RABGAP1L: variants seen among roughly 807,000 people sequenced by gnomAD.
RABGAP1L encodes RAB GTPase activating protein 1 like.
A neutral mutation model predicts 137.7 loss-of-function variants in RABGAP1L; 63 were observed. The observed-to-expected ratio is 0.46, with a 90% CI of 0.37 to 0.56. The LOEUF (loss-of-function observed/expected upper bound fraction) is 0.56. RABGAP1L is among the 20% of genes least tolerant of loss of function. The pLI, the probability that RABGAP1L is intolerant of heterozygous loss-of-function variation, is 0.00. For missense variants in RABGAP1L, 1,095 were observed against 1,244.0 expected, an observed-to-expected ratio of 0.88 and a Z score of 1.80; for synonymous variants, 431 against 433.7, an observed-to-expected ratio of 0.99 and a Z score of 0.08.
intron 13 of RABGAP1L, among the ~76,000 whole-genome samples, chr1:174,402,962 G>T (rs1648787011): frequency 1.3e-5 from 2 of 152,062 alleles, no homozygotes; most frequent in Admixed American, 1.3e-4. Flanking sequence ...ATATGGTATA[G>T]TTTGCCTATC....
chr1:174,958,312 T>A, intron 20 of RABGAP1L: 2 of 810,768 alleles, frequency 2.5e-6, no homozygotes, highest in African/African-American at 1.8e-5. Context: ...TAATTGTGAA[T>A]CTCTTCAATG....
intron 4 of RABGAP1L, among the ~76,000 whole-genome samples, chr1:174,234,426 C>A (rs1315924367): frequency 7.1e-6 from 1 of 141,028 alleles, no homozygotes; most frequent in Non-Finnish European, 1.5e-5. Flanking sequence ...TTTAATCCAT[C>A]TTGAATTGAT....
At chr1:174,464,912 C>A (rs1038563990) in intron 13 of RABGAP1L, among the ~76,000 whole-genome samples, 3 of 152,028 alleles carry the variant, frequency 2.0e-5, no homozygotes, top group Non-Finnish European at 4.4e-5. Flanking sequence ...GGCTAAAATT[C>A]CTTTCATAAC....
At chr1:174,796,024 G>T (rs138386588) in intron 18 of RABGAP1L, among the ~76,000 whole-genome samples, 1 of 152,256 alleles carries the variant, frequency 6.6e-6, no homozygotes, top group Non-Finnish European at 1.5e-5. Flanking sequence ...CCCAGGCAGA[G>T]AACCTAGGAG....
At chr1:174,958,349 G>A (rs1668793453) in intron 20 of RABGAP1L, among the ~76,000 whole-genome samples, 1 of 152,206 alleles carries the variant, frequency 6.6e-6, no homozygotes, top group Non-Finnish European at 1.5e-5. Flanking sequence ...TTCCCAGGAT[G>A]CAAAGTTGGG....
chr1:174,855,283 C>T (rs1206695873), intron 19 of RABGAP1L, among the ~76,000 whole-genome samples: 1 of 152,134 alleles, frequency 6.6e-6, no homozygotes, highest in East Asian at 1.9e-4. Flanking sequence ...AGGTAGACCA[C>T]CACTCTGATG....
rs35666280 is a variant in RABGAP1L at position 174,732,201 on chromosome 1, CAAAA to C, written c.2170-20103_2170-20100del. ...CGACAGAGTGAGACCCCATCCCCCC[CAAAA>C]AAAAAAAACATGGATTGTTAGACTT... On this transcript the variant is annotated intron_variant, in intron 17 of 25. Transcript: ENST00000681986. Among the ~76,000 whole-genome samples, 572 of 145,026 alleles carry C rather than the reference CAAAA, an allele frequency of 3.9e-3. 2 individuals carry two copies. The highest frequency in any genetic ancestry group is 0.011 in the Middle Eastern group (3 of 284).
At chr1:174,819,306 A>AT (rs1690775697) in intron 19 of RABGAP1L, among the ~76,000 whole-genome samples, 1 of 151,306 alleles carries the variant, frequency 6.6e-6, no homozygotes, top group South Asian at 2.1e-4. Flanking sequence ...ACTAAGATGG[A>AT]TTTTTGGAGG....
intron 11 of RABGAP1L, among the ~76,000 whole-genome samples, chr1:174,356,128 T>G (rs1683620668): frequency 6.6e-6 from 1 of 152,198 alleles, no homozygotes; most frequent in African/African-American, 2.4e-5. Context: ...AGATCACTTT[T>G]ATATTATTCT....
intron 13 of RABGAP1L, among the ~76,000 whole-genome samples, chr1:174,631,849 T>C (rs1452060479): frequency 3.3e-5 from 5 of 151,044 alleles, no homozygotes; most frequent in Non-Finnish European, 5.9e-5. Flanking sequence ...CTTTATCCAA[T>C]TTGCCAGTCT....
At chr1:174,791,460 C>T (rs1037539508) in intron 18 of RABGAP1L, among the ~76,000 whole-genome samples, 1 of 152,042 alleles carries the variant, frequency 6.6e-6, no homozygotes, top group Non-Finnish European at 1.5e-5. Context: ...AGTACAACAC[C>T]TCATTATTTT....
At chr1:174,638,812 C>T (rs1349648778) in intron 14 of RABGAP1L, among the ~76,000 whole-genome samples, 1 of 147,014 alleles carries the variant, frequency 6.8e-6, no homozygotes, top group Admixed American at 6.9e-5. Flanking sequence ...CGCATATTCT[C>T]CCTCATAGGT....
intron 13 of RABGAP1L, among the ~76,000 whole-genome samples, chr1:174,551,007 T>TATATATATATATATATATAC (rs1666489275): frequency 1.6e-5 from 2 of 124,358 alleles, no homozygotes; most frequent in African/African-American, 7.3e-5. Context: ...CACATATATA[T>TATATATATATATATATATAC]ATATATATAT....
At chr1:174,294,927 T>C (rs1405824391) in intron 10 of RABGAP1L, among the ~76,000 whole-genome samples, 1 of 152,018 alleles carries the variant, frequency 6.6e-6, no homozygotes, top group Non-Finnish European at 1.5e-5. Flanking sequence ...TGAATTTTTT[T>C]TTTTTTCTTG....
At chr1:174,495,424 T>C (rs1407786916) in intron 13 of RABGAP1L, among the ~76,000 whole-genome samples, 2 of 152,190 alleles carry the variant, frequency 1.3e-5, no homozygotes, top group African/African-American at 2.4e-5. Context: ...GAGAGGTAGA[T>C]ACAGTCTAAA....
chr1:174,387,293 A>C (rs565916671), intron 12 of RABGAP1L, among the ~76,000 whole-genome samples: 1 of 152,328 alleles, frequency 6.6e-6, no homozygotes, highest in South Asian at 2.1e-4. Flanking sequence ...TTTAACAGAC[A>C]CTGCTGATTT....
intron 13 of RABGAP1L, among the ~76,000 whole-genome samples, chr1:174,436,864 G>A (rs1417802069): frequency 2.0e-5 from 3 of 152,148 alleles, no homozygotes; most frequent in African/African-American, 7.2e-5. Flanking sequence ...ACTCCTCTGA[G>A]ACAAAACTTC....
chr1:174,164,366 A>G (rs530864307), intron 1 of RABGAP1L, among the ~76,000 whole-genome samples: 60 of 152,352 alleles, frequency 3.9e-4, no homozygotes, highest in African/African-American at 1.3e-3. Flanking sequence ...GAAGGACACC[A>G]GGAGATTGTT....
At chr1:174,510,930 G>A (rs1172855358) in intron 13 of RABGAP1L, among the ~76,000 whole-genome samples, 1 of 152,080 alleles carries the variant, frequency 6.6e-6, no homozygotes, top group Non-Finnish European at 1.5e-5. Context: ...CCAATATTTT[G>A]TATCCACATT....
Sources: allele counts gnomAD v4.1 joint callset (sites outside exome capture counted in the v4.1 genomes callset), GRCh38; gene constraint gnomAD v4.1.1; transcripts MANE v1.5; gene names NCBI Gene and HGNC (gene_info 2026-07-23, HGNC 2026-07-21).